PRDM2: variants seen among roughly 807,000 people sequenced by gnomAD.
The protein encoded by PRDM2 is PR domain zinc finger protein 2.
In PRDM2, 30 loss-of-function variants were observed where a neutral mutation model predicts 130.0. That is an observed-to-expected ratio of 0.23 (90% CI 0.17 to 0.31). The LOEUF is 0.31. Among genes scored for constraint, PRDM2 ranks in the 10% least tolerant of loss-of-function variants. The probability of loss-of-function intolerance (pLI) is 1.00; values close to 1 mark genes in which losing one functional copy is unlikely to be tolerated. For synonymous variants in PRDM2, 871 were observed against 782.4 expected (o/e 1.11, Z -1.89); for missense variants, 2,011 against 2,108.4 (o/e 0.95, Z 0.90).
intron 1 of PRDM2, among the ~76,000 whole-genome samples, chr1:13,704,062 C>G (rs1642139374): frequency 6.6e-6 from 1 of 152,148 alleles, no homozygotes; most frequent in African/African-American, 2.4e-5. Flanking sequence ...TGTAATCTTT[C>G]TAAGTGTAGA....
At chr1:13,755,160 G>T (rs1240344357) in intron 6 of PRDM2, among the ~76,000 whole-genome samples, 1 of 152,124 alleles carries the variant, frequency 6.6e-6, no homozygotes, top group Non-Finnish European at 1.5e-5. Context: ...CTACTGAATT[G>T]CTCCAAATTT....
In PRDM2 at chr1:13,812,153, TG is replaced by T. The variant is rs200979858; in HGVS notation, c.5037-4267del. Among the ~76,000 whole-genome samples, 778 of 148,582 alleles carry T rather than the reference TG, an allele frequency of 5.2e-3. 5 individuals carry two copies. The highest frequency in any genetic ancestry group is 8.7e-3 in the Non-Finnish European group (582 of 66,992). ...TGCTTAGTGGAGAATGGATTGGTGGTGGGGGGGAGGGTGCAGCGTCGAAGTG... is the reference window on the plus strand; with the variant it reads ...TGCTTAGTGGAGAATGGATTGGTGGTGGGGGGAGGGTGCAGCGTCGAAGTG... On this transcript the variant is annotated intron_variant, in intron 8 of 9. Transcript: ENST00000311066.
intron 9 of PRDM2, 56 bp from the exon 10 acceptor site, chr1:13,823,103 G>A (rs898557865): frequency 1.3e-6 from 2 of 1,515,046 alleles, no homozygotes; most frequent in African/African-American, 2.8e-5. Context: ...GGACCACCAT[G>A]GTCGGCACTG....
At chr1:13,764,525 C>T (rs1451243943) in intron 6 of PRDM2, among the ~76,000 whole-genome samples, 1 of 152,200 alleles carries the variant, frequency 6.6e-6, no homozygotes, top group Admixed American at 6.5e-5. Context: ...GTTTGGGAAG[C>T]CCTTTCTTAA....
At chr1:13,708,571 A>G (rs1162697520) in intron 1 of PRDM2, among the ~76,000 whole-genome samples, 2 of 152,132 alleles carry the variant, frequency 1.3e-5, no homozygotes, top group African/African-American at 2.4e-5. Flanking sequence ...TCTCTGCTCT[A>G]TGCATTCGGG....
chr1:13,765,428 C>T (rs961790972), intron 6 of PRDM2, among the ~76,000 whole-genome samples: 2 of 152,080 alleles, frequency 1.3e-5, no homozygotes, highest in Non-Finnish European at 1.5e-5. Flanking sequence ...TAATTCCAGT[C>T]GACCTTCACC....
At chr1:13,804,572 C>T (rs1015741799) in intron 8 of PRDM2, among the ~76,000 whole-genome samples, 5 of 152,002 alleles carry the variant, frequency 3.3e-5, no homozygotes, top group Non-Finnish European at 7.4e-5. Flanking sequence ...AGCTGAGAGT[C>T]TGCATTACCA....
chr1:13,812,942 G>A (rs1277862680), intron 8 of PRDM2, among the ~76,000 whole-genome samples: 4 of 152,146 alleles, frequency 2.6e-5, no homozygotes, highest in Admixed American at 1.3e-4. Context: ...CTCCGAGGCC[G>A]AGCGACAGGG....
At chr1:13,703,593 C>A (rs1054928989) in intron 1 of PRDM2, among the ~76,000 whole-genome samples, 9 of 152,144 alleles carry the variant, frequency 5.9e-5, no homozygotes, top group Non-Finnish European at 1.0e-4. Flanking sequence ...AGTTTTGTGG[C>A]ATGAGGTAAA....
intron 2 of PRDM2, among the ~76,000 whole-genome samples, chr1:13,724,240 G>A (rs1267926437): frequency 3.9e-5 from 6 of 152,136 alleles, no homozygotes; most frequent in African/African-American, 1.2e-4. Flanking sequence ...GAGCCTAAAC[G>A]GGCATTGACA....
intron 8 of PRDM2, among the ~76,000 whole-genome samples, chr1:13,807,589 G>A (rs1047928399): frequency 7.2e-5 from 11 of 152,178 alleles, no homozygotes; most frequent in South Asian, 4.1e-4. Context: ...CTTGAAAGGG[G>A]GCCTGGGAGT....
intron 8 of PRDM2, among the ~76,000 whole-genome samples, chr1:13,785,964 G>T (rs977033098): frequency 2.0e-5 from 3 of 150,362 alleles, no homozygotes; most frequent in African/African-American, 7.3e-5. Context: ...TCAGCCTCCC[G>T]AGTAGCTGGG....
chr1:13,719,801 C>T (rs1041008158), intron 2 of PRDM2, among the ~76,000 whole-genome samples: 1 of 151,530 alleles, frequency 6.6e-6, no homozygotes, highest in Non-Finnish European at 1.5e-5. Context: ...TTTTTCCCAT[C>T]GTTTGTTCCA....
intron 8 of PRDM2, among the ~76,000 whole-genome samples, chr1:13,807,401 C>T (rs939215585): frequency 3.9e-5 from 6 of 152,208 alleles, no homozygotes; most frequent in Non-Finnish European, 8.8e-5. Flanking sequence ...CAATGCGCCC[C>T]CTCATGGAGC....
intron 5 of PRDM2, among the ~76,000 whole-genome samples, chr1:13,743,355 A>G (rs1199727619): frequency 1.4e-5 from 2 of 144,774 alleles, no homozygotes; most frequent in African/African-American, 5.1e-5. Flanking sequence ...AGCCAAGATC[A>G]CACCACTGCA....
intron 6 of PRDM2, among the ~76,000 whole-genome samples, chr1:13,758,247 C>G (rs1644007948): frequency 6.6e-6 from 1 of 151,906 alleles, no homozygotes; most frequent in Non-Finnish European, 1.5e-5. Context: ...AGTTTGAGAA[C>G]AGCCTGGACA....
chr1:13,706,172 C>T (rs1367377038), intron 1 of PRDM2, among the ~76,000 whole-genome samples: 1 of 151,986 alleles, frequency 6.6e-6, no homozygotes, highest in Non-Finnish European at 1.5e-5. Context: ...CTGCCCATTC[C>T]TTCCCTCTGC....
At chr1:13,764,322 T>C (rs1644174006) in intron 6 of PRDM2, among the ~76,000 whole-genome samples, 1 of 152,192 alleles carries the variant, frequency 6.6e-6, no homozygotes, top group Non-Finnish European at 1.5e-5. Context: ...TTTCAGATTT[T>C]AGGTACATTT....
intron 7 of PRDM2, among the ~76,000 whole-genome samples, chr1:13,778,070 G>A (rs907260969): frequency 6.6e-6 from 1 of 152,078 alleles, no homozygotes; most frequent in African/African-American, 2.4e-5. Context: ...ACTCCAACAC[G>A]ATTTTAAACA....
Sources: allele counts gnomAD v4.1 joint callset (sites outside exome capture counted in the v4.1 genomes callset), GRCh38; gene constraint gnomAD v4.1.1; transcripts MANE v1.5; gene names NCBI Gene and HGNC (gene_info 2026-07-23, HGNC 2026-07-21).